Variants in PCNX2 observed in about 807,000 individuals in gnomAD.
PCNX2 encodes pecanex 2, also known as pecanex-like protein 2.
A neutral mutation model predicts 223.8 loss-of-function variants in PCNX2; 168 were observed. That is an observed-to-expected ratio of 0.75 (90% CI 0.66 to 0.85). The LOEUF (loss-of-function observed/expected upper bound fraction) is 0.85, where lower values mean the gene tolerates loss of function less well. PCNX2 is among the 40% of genes least tolerant of loss of function. The pLI is 0.00. For missense variants in PCNX2, 2,507 were observed against 2,675.5 expected, an observed-to-expected ratio of 0.94 and a Z score of 1.39; for synonymous variants, 1,006 against 1,052.6, an observed-to-expected ratio of 0.96 and a Z score of 0.86.
chr1:233,268,683 A>G (rs766085091), intron 1 of PCNX2, among the ~76,000 whole-genome samples: 1 of 152,174 alleles, frequency 6.6e-6, no homozygotes, highest in Non-Finnish European at 1.5e-5. Context: ...GAAAGTAATA[A>G]AAGTGTGGCC....
chr1:233,150,633 T>C (rs960086929), intron 19 of PCNX2, among the ~76,000 whole-genome samples: 1 of 152,226 alleles, frequency 6.6e-6, no homozygotes. Context: ...CTGGTTTCTT[T>C]CTTCTTCCTT....
chr1:233,205,076 C>T lies in PCNX2; in HGVS notation c.2863+3442G>A, dbSNP rs116570472. 2.8e-3 allele frequency among the ~76,000 whole-genome samples: 422 copies of T among 152,282 alleles called. 1 individual carries two copies. Among genetic ancestry groups the T allele is most frequent in the African/African-American group, 9.2e-3 (384 of 41,562 alleles). ...TATTTTTTGAGCTTTAATAACACCTCACATCCCAATGCCATTGTAAGTTTG... is the reference window on the plus strand; with the variant it reads ...TATTTTTTGAGCTTTAATAACACCTTACATCCCAATGCCATTGTAAGTTTG... On this transcript the variant is annotated intron_variant, in intron 13 of 33. Transcript: ENST00000258229.
At chr1:233,057,373 G>A in intron 23 of PCNX2, 83 bp from the exon 24 acceptor site, 2 of 1,072,498 alleles carry the variant, frequency 1.9e-6, no homozygotes, top group South Asian at 2.7e-5. Context: ...AGCTGCATGA[G>A]TGGAAAATGC....
intron 23 of PCNX2, among the ~76,000 whole-genome samples, chr1:233,066,643 T>C (rs745838299): frequency 1.3e-5 from 2 of 152,148 alleles, no homozygotes; most frequent in Non-Finnish European, 2.9e-5. Flanking sequence ...TTCACCATTT[T>C]ACCCAGGATA....
At chr1:233,036,157 T>C (rs1671446657) in intron 25 of PCNX2, among the ~76,000 whole-genome samples, 1 of 152,076 alleles carries the variant, frequency 6.6e-6, no homozygotes, top group Non-Finnish European at 1.5e-5. Context: ...TTCCACGTCA[T>C]GGCGGGGAAC....
At chr1:233,047,760 G>T (rs1294341130) in intron 25 of PCNX2, among the ~76,000 whole-genome samples, 1 of 152,094 alleles carries the variant, frequency 6.6e-6, no homozygotes, top group East Asian at 1.9e-4. Flanking sequence ...CACAATTATG[G>T]TGGAGGACTT....
chr1:232,996,060 C>T (rs1669864769), intron 32 of PCNX2, among the ~76,000 whole-genome samples: 1 of 152,132 alleles, frequency 6.6e-6, no homozygotes, highest in African/African-American at 2.4e-5. Context: ...TGGGGTTTCA[C>T]CATGTTGGCC....
At chr1:233,291,364 C>G (rs1661752015) in intron 1 of PCNX2, among the ~76,000 whole-genome samples, 1 of 152,180 alleles carries the variant, frequency 6.6e-6, no homozygotes, top group African/African-American at 2.4e-5. Context: ...AATCCCAGCA[C>G]TTTGAGAGGC....
chr1:233,298,796 C>T (rs1370926199), upstream of PCNX2, among the ~76,000 whole-genome samples: 3 of 152,176 alleles, frequency 2.0e-5, no homozygotes, highest in Non-Finnish European at 2.9e-5. Context: ...GGCTGAGAAT[C>T]GCTTGAACCT....
intron 13 of PCNX2, among the ~76,000 whole-genome samples, chr1:233,206,989 A>T (rs115725535): frequency 0.013 from 1,939 of 151,254 alleles, 21 homozygotes; most frequent in South Asian, 0.038. Flanking sequence ...CCAGCTTGGG[A>T]GACAGAGCGA....
chr1:233,080,820 A>C (rs1673326120), intron 23 of PCNX2, among the ~76,000 whole-genome samples: 1 of 152,170 alleles, frequency 6.6e-6, no homozygotes, highest in Non-Finnish European at 1.5e-5. Context: ...TGCAATCCTC[A>C]AAGTGAATCT....
intron 17 of PCNX2, among the ~76,000 whole-genome samples, chr1:233,163,955 A>T (rs1572000146): frequency 6.6e-6 from 1 of 152,144 alleles, no homozygotes; most frequent in East Asian, 1.9e-4. Context: ...TAGATGTTTG[A>T]ATTTGTTCCC....
rs1166827627 is a variant in PCNX2, at chr1:233,200,159, C to A, written c.2969G>T (p.Gly990Val). 2 of 1,575,268 alleles carry A rather than the reference C, an allele frequency of 1.3e-6. No homozygotes were observed. Among genetic ancestry groups the A allele is most frequent in the Non-Finnish European group, 8.6e-7 (1 of 1,157,558 alleles). The change falls in exon 14 of 34, where the codon GGT becomes GTT. Residue 990 changes from glycine to valine, a missense_variant. Coordinates refer to ENST00000258229, the MANE Select transcript of PCNX2 (RefSeq NM_014801.4). ...LEQIDMLFFG[G>V]SAVSGITSAV... ...ATAGAATGTAAACGACTTACCAGAA[C>A]CACCAAAAAACAGCATGTCAATTTG...
At position 232,986,468 on chromosome 1, in the gene PCNX2, G is replaced by A; in HGVS notation, c.5864C>T (p.Ser1955Leu). Reference sequence around the variant, plus strand: ...GCGGCTCTCTAAGATGGGGCCAGATGAGCTCAGCATGGGCGGCCTTTGGCT... The same window carrying A: ...GCGGCTCTCTAAGATGGGGCCAGATAAGCTCAGCATGGGCGGCCTTTGGCT... Reference protein sequence around the residue: ...ALSQRPPMLSSSGPILESRQT... With the variant: ...ALSQRPPMLSLSGPILESRQT... Residue 1955 changes from serine to leucine, a missense_variant, in exon 33 of 34, where the codon TCA (serine) becomes TTA (leucine). Physicochemically the swap from Ser to Leu is moderately radical, Grantham distance 145. Around this residue, in one of 3 missense-constraint regions of PCNX2, gnomAD observed 1,372 missense variants for 1,509.4 expected, o/e 0.91. Transcript: ENST00000258229. 1 of 1,604,246 alleles carries A rather than the reference G, an allele frequency of 6.2e-7. No individual in the cohort carries two copies. Among genetic ancestry groups the A allele is most frequent in the Admixed American group, 1.7e-5 (1 of 59,186 alleles).
intron 17 of PCNX2, among the ~76,000 whole-genome samples, chr1:233,170,865 CA>C (rs1163390955): frequency 6.6e-6 from 1 of 152,144 alleles, no homozygotes; most frequent in Non-Finnish European, 1.5e-5. Context: ...AGTAGTTGCA[CA>C]AAACATTCCA....
At chr1:233,313,371 TG>T in the PCNX2 span, among the ~76,000 whole-genome samples, 1 of 152,090 alleles carries the variant, frequency 6.6e-6, no homozygotes, top group African/African-American at 2.4e-5. Context: ...TATTGTGGCA[TG>T]GGGGGATAGG....
chr1:233,021,289 T>C (rs1003984298), intron 26 of PCNX2, among the ~76,000 whole-genome samples: 4 of 152,220 alleles, frequency 2.6e-5, no homozygotes, highest in Non-Finnish European at 5.9e-5. Context: ...AGCCCCATCC[T>C]GAGTGCTGAC....
chr1:233,147,581 GA>G lies in PCNX2; in HGVS notation c.3518-7727del, dbSNP rs57899098. ...AGGAGCACTAGGTATAACTTTTACTGAAAAAAAAAAAAATTTATGTGTAAGT... is the reference window on the plus strand; with the variant it reads ...AGGAGCACTAGGTATAACTTTTACTGAAAAAAAAAAAATTTATGTGTAAGT... On this transcript the variant is annotated intron_variant, in intron 19 of 33. Transcript: ENST00000258229. Among the ~76,000 whole-genome samples, 283 of 144,406 alleles carry G rather than the reference GA, an allele frequency of 2.0e-3. 7 individuals are homozygous for G. In the East Asian group the frequency reaches 0.036, roughly 18 times the overall value. 94.7% of individuals were successfully genotyped at this position (144,406 alleles called of 152,430 possible).
intron 19 of PCNX2, among the ~76,000 whole-genome samples, chr1:233,140,527 C>T (rs1226056222): frequency 3.3e-5 from 5 of 152,198 alleles, no homozygotes; most frequent in African/African-American, 9.7e-5. Flanking sequence ...TTCATCTTTT[C>T]GAGCCTTAGT....
Sources: allele counts gnomAD v4.1 joint callset (sites outside exome capture counted in the v4.1 genomes callset), GRCh38; gene constraint gnomAD v4.1.1; regional missense constraint gnomAD v4.1.1; transcripts MANE v1.5; gene names NCBI Gene and HGNC (gene_info 2026-07-23, HGNC 2026-07-21).